Variants in MED12L observed in about 807,000 individuals in gnomAD.
MED12L encodes mediator of RNA polymerase II transcription subunit 12-like protein.
MED12L carries 60 observed loss-of-function variants against 281.3 expected under a neutral mutation model. The observed-to-expected ratio is 0.21, with a 90% CI of 0.17 to 0.26. MED12L has a LOEUF of 0.26. MED12L is among the 10% of genes least tolerant of loss of function. The pLI is 1.00. For synonymous variants in MED12L, 974 were observed against 987.2 expected (o/e 0.99, Z 0.25); for missense variants, 2,146 against 2,680.9 (o/e 0.80, Z 4.41).
chr3:151,367,163 T>C (rs1755387703), intron 23 of MED12L, among the ~76,000 whole-genome samples: 1 of 152,128 alleles, frequency 6.6e-6, no homozygotes, highest in African/African-American at 2.4e-5. Flanking sequence ...ACTTTCAGAG[T>C]TGTTTTTAAA....
intron 11 of MED12L, among the ~76,000 whole-genome samples, chr3:151,178,117 C>T (rs1025439554): frequency 6.1e-5 from 8 of 131,250 alleles, no homozygotes; most frequent in African/African-American, 2.3e-4. Flanking sequence ...GAGGTTGTGC[C>T]ACTACACTCC....
At chr3:151,095,031 A>T (rs1223625559) in intron 2 of MED12L, among the ~76,000 whole-genome samples, 1 of 152,204 alleles carries the variant, frequency 6.6e-6, no homozygotes, top group African/African-American at 2.4e-5. Flanking sequence ...CAGCTCCACG[A>T]CTTGAACAGT....
Position 151,338,300 on chromosome 3 carries a change from G to T in MED12L, c.2251-11759G>T, listed in dbSNP as rs16863320. ...TTACTATTTCATGCCAGACTAGACC[G>T]AACTCTGATTTAAGGAAAGAGCATT... is the stretch of plus-strand genomic sequence containing the variant. On this transcript the variant is annotated intron_variant, in intron 16 of 44. Coordinates refer to ENST00000687756, the MANE Select transcript of MED12L (RefSeq NM_001393769.1). The T allele has an allele frequency of 1.9e-6, 3 of 1,613,960 alleles. No individual in the cohort carries two copies. The South Asian group carries it at 3.3e-5, about 18-fold the overall frequency.
At chr3:151,247,947 T>TTTCTTC (rs1203197867) in intron 16 of MED12L, among the ~76,000 whole-genome samples, 1 of 131,520 alleles carries the variant, frequency 7.6e-6, no homozygotes, top group Non-Finnish European at 1.6e-5. Flanking sequence ...GTTTACTTTC[T>TTTCTTC]TTCTTCTTCT....
At chr3:151,294,772 C>T (rs200415560) in intron 16 of MED12L, 66 of 1,614,002 alleles carry the variant, frequency 4.1e-5, no homozygotes, top group African/African-American at 9.3e-5. Flanking sequence ...ATAAAACCTT[C>T]GTGAAGGTTA....
At chr3:151,338,029 C>T in intron 16 of MED12L, 3 of 1,614,090 alleles carry the variant, frequency 1.9e-6, no homozygotes, top group Non-Finnish European at 2.5e-6. Flanking sequence ...AGAGTATTTT[C>T]AGCAGTGCAG....
chr3:151,295,186 A>G, intron 16 of MED12L: 7 of 1,609,614 alleles, frequency 4.3e-6, no homozygotes, highest in Non-Finnish European at 5.9e-6. Flanking sequence ...CTGAATTGTG[A>G]CTCTCTTGGC....
In MED12L at chr3:151,413,125, T is replaced by A; in HGVS notation, c.6141-14T>A. 1 of 1,606,592 alleles carries A rather than the reference T, an allele frequency of 6.2e-7. No homozygotes were observed. The highest frequency in any genetic ancestry group is 8.5e-7 in the Non-Finnish European group (1 of 1,173,958). The stretch of plus-strand genomic sequence containing the variant: ...ATGCTTGGGCCTGAACCAAGTTGCA[T>A]TATTCTTTGCCAGACTGAACCATCA... On this transcript the variant is annotated splice_polypyrimidine_tract_variant and intron_variant, in intron 41 of 44. Coordinates refer to ENST00000687756, the MANE Select transcript of MED12L (RefSeq NM_001393769.1).
rs192274550 is a variant in MED12L at position 151,133,325 on chromosome 3, C to T, written c.556+5341C>T. 6.4e-4 allele frequency among the ~76,000 whole-genome samples: 98 copies of T among 152,256 alleles called. 1 individual carries two copies. Among genetic ancestry groups the T allele is most frequent in the Admixed American group, 6.0e-3 (92 of 15,288 alleles). On this transcript the variant is annotated intron_variant, in intron 5 of 44. Coordinates refer to ENST00000687756, the MANE Select transcript of MED12L (RefSeq NM_001393769.1). The stretch of plus-strand genomic sequence containing the variant: ...GGAGCAACACAGAGATCCTTACTGT[C>T]GTTATGCAGAGAGTTACAGATCTCA...
chr3:151,390,468 G>C (rs1714060506), intron 38 of MED12L, among the ~76,000 whole-genome samples: 1 of 152,128 alleles, frequency 6.6e-6, no homozygotes. Context: ...CATTTTAAAA[G>C]ATTACACAAT....
intron 5 of MED12L, among the ~76,000 whole-genome samples, chr3:151,154,278 T>G (rs547556331): frequency 3.0e-4 from 45 of 152,268 alleles, no homozygotes; most frequent in African/African-American, 1.0e-3. Flanking sequence ...AAGAGGGCTT[T>G]ATTTATGGAC....
chr3:151,396,353 C>T (rs974222756), intron 39 of MED12L, among the ~76,000 whole-genome samples: 6 of 152,178 alleles, frequency 3.9e-5, no homozygotes, highest in Admixed American at 1.3e-4. Context: ...TAGGGCCAGG[C>T]GTGGTGGCTT....
intron 16 of MED12L, among the ~76,000 whole-genome samples, chr3:151,282,290 A>G (rs1742918540): frequency 6.6e-6 from 1 of 152,206 alleles, no homozygotes; most frequent in South Asian, 2.1e-4. Context: ...GATAAATATG[A>G]ACATTTTCAA....
At chr3:151,423,209 T>G (rs150573022) in intron 43 of MED12L, among the ~76,000 whole-genome samples, 227 of 151,722 alleles carry the variant, frequency 1.5e-3, no homozygotes, top group Non-Finnish European at 2.7e-3. Context: ...TACTTTAAGT[T>G]CTGGGGTACA....
chr3:151,419,393 C>G (rs62285925), intron 43 of MED12L, among the ~76,000 whole-genome samples: 17,704 of 152,186 alleles, frequency 0.12, 1,415 homozygotes, highest in East Asian at 0.43. Context: ...GCATCCAACA[C>G]GGGAGAAAGA....
chr3:151,390,679 T>C (rs941192661), intron 38 of MED12L, among the ~76,000 whole-genome samples: 2 of 152,234 alleles, frequency 1.3e-5, no homozygotes, highest in Admixed American at 1.3e-4. Context: ...ATGAATTCAA[T>C]TTTCTTTCTA....
intron 16 of MED12L, among the ~76,000 whole-genome samples, chr3:151,254,481 T>C (rs547183135): frequency 2.6e-5 from 4 of 152,242 alleles, no homozygotes; most frequent in Non-Finnish European, 4.4e-5. Context: ...ATTTGCCCAT[T>C]TTCCCATTTA....
At chr3:151,296,863 T>G (rs1172211745) in intron 16 of MED12L, among the ~76,000 whole-genome samples, 2 of 152,298 alleles carry the variant, frequency 1.3e-5, no homozygotes, top group African/African-American at 4.8e-5. Context: ...GTTATAGAGA[T>G]AACACCATGA....
At chr3:151,384,643 G>C in intron 35 of MED12L, 1 of 192,424 alleles carries the variant, frequency 5.2e-6, no homozygotes, top group South Asian at 1.3e-4. Context: ...GTGCAAAAAA[G>C]AAACCAAATA....
Sources: gnomAD v4.1 joint callset for allele counts (sites outside exome capture counted in the v4.1 genomes callset) on GRCh38, gnomAD v4.1.1 for gene constraint, MANE v1.5 for transcripts, NCBI Gene and HGNC (gene_info 2026-07-23, HGNC 2026-07-21) for gene names.